The following COMMD2 variants were observed in gnomAD, a reference collection of about 807,000 sequenced individuals.
COMMD2 encodes the protein COMM domain-containing protein 2.
In COMMD2, 25 loss-of-function variants were observed where a neutral mutation model predicts 22.5. The observed-to-expected ratio is 1.11, with a 90% CI of 0.81 to 1.55. COMMD2 has a LOEUF of 1.55. Among genes scored for constraint, COMMD2 ranks in the 40% most tolerant of loss-of-function variants. The probability of loss-of-function intolerance (pLI) is 0.00; values close to 1 mark genes in which losing one functional copy is unlikely to be tolerated. For synonymous variants in COMMD2, 98 were observed against 91.2 expected, an observed-to-expected ratio of 1.07 and a Z score of -0.42; for missense variants, 223 against 232.9, an observed-to-expected ratio of 0.96 and a Z score of 0.28.
intron 2 of COMMD2, 75 bp from the exon 3 acceptor site, chr3:149,751,560 A>T (rs1057451461): frequency 8.0e-7 from 1 of 1,256,656 alleles, no homozygotes; most frequent in Non-Finnish European, 1.1e-6. Context: ...GTATTTAAAA[A>T]TAAACACTAT....
In COMMD2 at chr3:149,739,590, T is replaced by C. The variant is rs903948347; in HGVS notation, c.*1931A>G. On this transcript the variant is annotated 3_prime_UTR_variant, in exon 5 of 5. Coordinates refer to ENST00000473414, the MANE Select transcript of COMMD2 (RefSeq NM_016094.4). ...GTTGTTCTGAGGAGACAAAGGGCTATTGTTTCATCTTGGCTGGGATCAGCC... is the reference window on the plus strand; with the variant it reads ...GTTGTTCTGAGGAGACAAAGGGCTACTGTTTCATCTTGGCTGGGATCAGCC... 2 of 152,222 alleles carry C rather than the reference T, an allele frequency of 1.3e-5. No individual in the cohort carries two copies. Among genetic ancestry groups the C allele is most frequent in the Non-Finnish European group, 2.9e-5 (2 of 68,036 alleles). The allele number at this position is 152,222 out of a possible 1,614,324, so 9.4% of individuals were successfully genotyped here.
At chr3:149,751,242 T>G in intron 3 of COMMD2, 161 bp downstream of exon 3, 1 of 1,092,518 alleles carries the variant, frequency 9.2e-7, no homozygotes. Context: ...TATCAGCAGA[T>G]GATATGATTT....
At position 149,752,453 on chromosome 3, in the gene COMMD2, T is replaced by G. The variant is rs1290177239; in HGVS notation, c.-9A>C. Reference sequence around the variant, plus strand: ...GACAATTCCAGCAGCATCTTCACTGTCCTACGATTTCACCCGGCAGCGCCG... The same window carrying G: ...GACAATTCCAGCAGCATCTTCACTGGCCTACGATTTCACCCGGCAGCGCCG... On this transcript the variant is annotated 5_prime_UTR_variant, in exon 1 of 5. Coordinates refer to ENST00000473414, the MANE Select transcript of COMMD2 (RefSeq NM_016094.4). The G allele has an allele frequency of 6.2e-7, 1 of 1,611,194 alleles. No individual in the cohort carries two copies. Among genetic ancestry groups the G allele is most frequent in the South Asian group, 1.1e-5 (1 of 90,702 alleles).
chr3:149,746,538 A>G (rs1448408020), intron 4 of COMMD2, among the ~76,000 whole-genome samples: 2 of 151,988 alleles, frequency 1.3e-5, no homozygotes, highest in Non-Finnish European at 1.5e-5. Context: ...TTGGGAGGCC[A>G]AGGCGGGCAG....
chr3:149,742,857 T>C (rs1049118493), intron 4 of COMMD2, among the ~76,000 whole-genome samples: 1 of 151,574 alleles, frequency 6.6e-6, no homozygotes, highest in African/African-American at 2.4e-5. Flanking sequence ...TCCCAGCTAC[T>C]TGGGAGGCTG....
rs752790023 is a variant in COMMD2 at position 149,752,303 on chromosome 3, G to T, written c.68-16C>A. The T allele has an allele frequency of 6.2e-7, 1 of 1,614,088 alleles. No individual in the cohort carries two copies. Among genetic ancestry groups the T allele is most frequent in the East Asian group, 2.2e-5 (1 of 44,890 alleles). On this transcript the variant is annotated splice_polypyrimidine_tract_variant and intron_variant, in intron 1 of 4. Coordinates refer to ENST00000473414, the MANE Select transcript of COMMD2 (RefSeq NM_016094.4). ...TCGGCGACCACTGCAATGAAAGTCA[G>T]AAGGCTGTTGAGTGCCAGGCGCTGC...
chr3:149,752,463 T>TCACCCGGCAGCGCC lies in COMMD2; in HGVS notation c.-33_-20dup, dbSNP rs756488908. 4.4e-6 allele frequency: 7 copies of TCACCCGGCAGCGCC among 1,607,834 alleles called. No individual in the cohort carries two copies. The highest frequency in any genetic ancestry group is 5.9e-6 in the Non-Finnish European group (7 of 1,176,618). On this transcript the variant is annotated 5_prime_UTR_variant, in exon 1 of 5. Transcript: ENST00000473414. Reference sequence around the variant, plus strand: ...GCAGCATCTTCACTGTCCTACGATTTCACCCGGCAGCGCCGACCCCGCCTT... The same window carrying TCACCCGGCAGCGCC: ...GCAGCATCTTCACTGTCCTACGATTTCACCCGGCAGCGCCCACCCGGCAGCGCCGACCCCGCCTT...
At chr3:149,747,690 A>C (rs1414056326) in intron 4 of COMMD2, among the ~76,000 whole-genome samples, 1 of 152,196 alleles carries the variant, frequency 6.6e-6, no homozygotes, top group Non-Finnish European at 1.5e-5. Context: ...TAATCCCAGC[A>C]CTTGGGGAGG....
chr3:149,751,339 G>T (rs1319793335), intron 3 of COMMD2, 64 bp downstream of exon 3: 2 of 1,611,246 alleles, frequency 1.2e-6, no homozygotes, highest in East Asian at 4.5e-5. Flanking sequence ...GGACTATGAT[G>T]TAGAGTACAC....
At chr3:149,750,484 T>A in intron 4 of COMMD2, 194 bp downstream of exon 4, 1 of 563,696 alleles carries the variant, frequency 1.8e-6, no homozygotes. Flanking sequence ...TTACAAACTT[T>A]GCAAATTAAA....
intron 2 of COMMD2, 132 bp from the exon 3 acceptor site, chr3:149,751,617 C>T (rs1716534891): frequency 2.7e-6 from 2 of 751,714 alleles, no homozygotes; most frequent in East Asian, 5.9e-5. Context: ...AGTAAGTTGG[C>T]CAGAGGCTCC....
rs10935775 is a variant in COMMD2, at chr3:149,739,208, C to G, written c.*2313G>C. 0.34 allele frequency: 51,902 copies of G among 152,026 alleles called. 9,723 individuals are homozygous for G. The highest frequency in any genetic ancestry group is 0.54 in the Middle Eastern group (158 of 294). The allele number at this position is 152,026 out of a possible 1,614,324, so 9.4% of individuals were successfully genotyped here. On this transcript the variant is annotated 3_prime_UTR_variant, in exon 5 of 5. Transcript: ENST00000473414. ...GAAACCTGGGTCATACTGGAGAGAA[C>G]AGTGACTACCTCTAAAGAAAATTAT...
At position 149,741,549 on chromosome 3, in the gene COMMD2, C is replaced by T. The variant is rs1438927641; in HGVS notation, c.572G>A (p.Cys191Tyr). Residue 191 changes from cysteine (C) to tyrosine (Y), a missense_variant, in exon 5 of 5, where the codon TGT becomes TAT. Transcript: ENST00000473414. ...CTTGATGTTGCGAACAACTCTCCTACAGTGATTTGTCTTCATCTCTTCCAA... is the reference window on the plus strand; with the variant it reads ...CTTGATGTTGCGAACAACTCTCCTATAGTGATTTGTCTTCATCTCTTCCAA... Reference protein sequence around the residue: ...QALEEMKTNHCRRVVRNIK With the variant: ...QALEEMKTNHYRRVVRNIK 6.2e-7 allele frequency: 1 copy of T among 1,613,914 alleles called. No homozygotes were observed. The highest frequency in any genetic ancestry group is 2.2e-5 in the East Asian group (1 of 44,870).
At chr3:149,750,049 C>G (rs1177090925) in intron 4 of COMMD2, among the ~76,000 whole-genome samples, 1 of 152,188 alleles carries the variant, frequency 6.6e-6, no homozygotes, top group Non-Finnish European at 1.5e-5. Flanking sequence ...ACTAACTCAT[C>G]TCTCTCTGCT....
chr3:149,741,678 A>G lies in COMMD2; in HGVS notation c.443T>C (p.Val148Ala), dbSNP rs778530127. The change falls in exon 5 of 5, where the codon GTG (valine) becomes GCG (alanine). Residue 148 changes from valine (V) to alanine (A), a missense_variant. Transcript: ENST00000473414. ...RSLRQQIKPAVTIKLHLNQNG... is the reference protein window; with the variant it reads ...RSLRQQIKPAATIKLHLNQNG... Reference sequence around the variant, plus strand: ...TTGATTAAGGTGTAGCTTTATAGTCACTGCTGGTTTAATCTGTTGCCTGAG... The same window carrying G: ...TTGATTAAGGTGTAGCTTTATAGTCGCTGCTGGTTTAATCTGTTGCCTGAG... The G allele has an allele frequency of 1.2e-6, 2 of 1,613,806 alleles. No homozygotes were observed. Among genetic ancestry groups the G allele is most frequent in the Admixed American group, 1.7e-5 (1 of 59,986 alleles).
intron 4 of COMMD2, among the ~76,000 whole-genome samples, chr3:149,749,247 G>A (rs1438391732): frequency 2.6e-5 from 4 of 152,124 alleles, no homozygotes; most frequent in Non-Finnish European, 5.9e-5. Flanking sequence ...CAAGCTATCC[G>A]CCTGCCTTGG....
chr3:149,744,714 T>C (rs918853105), intron 4 of COMMD2, among the ~76,000 whole-genome samples: 3 of 152,230 alleles, frequency 2.0e-5, no homozygotes, highest in African/African-American at 7.2e-5. Flanking sequence ...TGCATTTCTC[T>C]ATGAGCAGAA....
intron 4 of COMMD2, among the ~76,000 whole-genome samples, chr3:149,742,536 A>G (rs1423149586): frequency 6.6e-6 from 1 of 152,264 alleles, no homozygotes; most frequent in Non-Finnish European, 1.5e-5. Context: ...ACTAAATGGC[A>G]GAGAAAAGAA....
At chr3:149,742,776 G>A (rs1023052208) in intron 4 of COMMD2, among the ~76,000 whole-genome samples, 10 of 152,088 alleles carry the variant, frequency 6.6e-5, no homozygotes, top group Admixed American at 2.6e-4. Flanking sequence ...AGACCAGCCC[G>A]GCCAACATAG....
Sources: gnomAD v4.1 joint callset for allele counts (sites outside exome capture counted in the v4.1 genomes callset) on GRCh38, gnomAD v4.1.1 for gene constraint, MANE v1.5 for transcripts, NCBI Gene and HGNC (gene_info 2026-07-23, HGNC 2026-07-21) for gene names.